Variants in SLC26A5 observed in about 807,000 individuals in gnomAD.
SLC26A5 encodes the protein prestin.
A neutral mutation model predicts 81.0 loss-of-function variants in SLC26A5; 51 were observed. The ratio of observed to expected loss-of-function variants is 0.63; its 90% CI spans 0.50 to 0.80. The LOEUF (loss-of-function observed/expected upper bound fraction) is 0.80. Among genes scored for constraint, SLC26A5 ranks in the 30% least tolerant of loss-of-function variants. SLC26A5 has a pLI of 0.00. For missense variants in SLC26A5, 771 were observed against 905.8 expected, an observed-to-expected ratio of 0.85 and a Z score of 1.91; for synonymous variants, 325 against 332.8, an observed-to-expected ratio of 0.98 and a Z score of 0.25.
chr7:103,366,524 A>G (rs1308671459), intron 19 of SLC26A5, among the ~76,000 whole-genome samples: 5 of 152,228 alleles, frequency 3.3e-5, no homozygotes, highest in South Asian at 2.1e-4. Context: ...AAGTGCTCCA[A>G]TGAGTATTGC....
At chr7:103,379,418 A>T in intron 15 of SLC26A5, 83 bp from the exon 16 acceptor site, 1 of 909,070 alleles carries the variant, frequency 1.1e-6, no homozygotes, top group South Asian at 1.4e-5. Flanking sequence ...CCAAATAGAA[A>T]ATGAATGCAG....
intron 19 of SLC26A5, chr7:103,355,643 A>G (rs769299088): frequency 1.5e-6 from 2 of 1,358,146 alleles, no homozygotes; most frequent in Non-Finnish European, 2.1e-6. Flanking sequence ...AAAGCTTATT[A>G]TAGGGTGATG....
intron 15 of SLC26A5, 99 bp downstream of exon 15, chr7:103,380,381 C>G (rs938245632): frequency 1.6e-5 from 15 of 943,374 alleles, no homozygotes; most frequent in Non-Finnish European, 2.6e-5. Flanking sequence ...ACCACTATAC[C>G]TCCCATCTTA....
At chr7:103,380,978 T>C (rs1449897309) in intron 14 of SLC26A5, among the ~76,000 whole-genome samples, 1 of 150,888 alleles carries the variant, frequency 6.6e-6, no homozygotes, top group Admixed American at 6.6e-5. Context: ...ATACCACATG[T>C]ATAATGCACA....
At chr7:103,409,656 T>C (rs555694786) in intron 7 of SLC26A5, among the ~76,000 whole-genome samples, 15 of 152,322 alleles carry the variant, frequency 9.8e-5, no homozygotes, top group African/African-American at 3.4e-4. Context: ...AAAAGATTCA[T>C]GTTAGTTAAA....
At chr7:103,445,573 G>GA (rs1051692908) in intron 1 of SLC26A5, 2 of 152,228 alleles carry the variant, frequency 1.3e-5, no homozygotes, top group African/African-American at 4.8e-5. Flanking sequence ...AGCCTTGCCC[G>GA]GCGCTGAGCG....
intron 14 of SLC26A5, among the ~76,000 whole-genome samples, chr7:103,384,630 C>G (rs1030007138): frequency 6.6e-6 from 1 of 151,892 alleles, no homozygotes; most frequent in Admixed American, 6.6e-5. Flanking sequence ...AAAAAAAGTG[C>G]TGATTTGTCA....
rs1294017949 is a variant in SLC26A5, at chr7:103,367,522, G to A, written c.2041+9286C>T. On this transcript the variant is annotated intron_variant, in intron 19 of 19. Coordinates refer to the SLC26A5 transcript ENST00000339444. This position sits in a 1 kb window ranked among gnomAD's most constrained non-coding sequence, Gnocchi z 6.1. ...ATCCTAGAGGCAATATTAAAGTGCT[G>A]ATGGCCACTAACAGACCTGATACTT... 1.2e-6 allele frequency: 2 copies of A among 1,614,034 alleles called. No individual in the cohort carries two copies. The highest frequency in any genetic ancestry group is 2.7e-5 in the African/African-American group (2 of 74,912).
chr7:103,371,920 T>TC (rs1821066848), downstream of SLC26A5, among the ~76,000 whole-genome samples: 1 of 150,850 alleles, frequency 6.6e-6, no homozygotes. Context: ...TGGTCTTGAA[T>TC]TCCTGACCTT....
chr7:103,396,698 C>T (rs917495458), intron 9 of SLC26A5, among the ~76,000 whole-genome samples: 7 of 152,090 alleles, frequency 4.6e-5, no homozygotes, highest in African/African-American at 1.7e-4. Context: ...GAAGCTCTTG[C>T]TTAAGGGGTG....
intron 2 of SLC26A5, among the ~76,000 whole-genome samples, chr7:103,430,076 CTTTT>C (rs34122107): frequency 0.073 from 9,974 of 137,144 alleles, 451 homozygotes; most frequent in Non-Finnish European, 0.097. Context: ...GGAAATGGCA[CTTTT>C]TTTTTTTTTT....
At chr7:103,440,210 A>C (rs989577574) in intron 2 of SLC26A5, among the ~76,000 whole-genome samples, 3 of 152,216 alleles carry the variant, frequency 2.0e-5, no homozygotes, top group African/African-American at 7.2e-5. Flanking sequence ...GAAGAAAGGA[A>C]GGAAATAATA....
At chr7:103,409,833 G>C (rs1026626136) in intron 7 of SLC26A5, among the ~76,000 whole-genome samples, 2 of 151,822 alleles carry the variant, frequency 1.3e-5, no homozygotes, top group Admixed American at 6.6e-5. Context: ...TCAGCCTCCT[G>C]AGTAGCTGGG....
At chr7:103,432,215 C>T (rs773723826) in intron 2 of SLC26A5, among the ~76,000 whole-genome samples, 28 of 152,212 alleles carry the variant, frequency 1.8e-4, no homozygotes, top group Admixed American at 1.0e-3. Flanking sequence ...TACACTCAGC[C>T]GAAATATTAA....
At chr7:103,357,326 C>CAAA (rs762310758) in intron 19 of SLC26A5, among the ~76,000 whole-genome samples, 1 of 77,828 alleles carries the variant, frequency 1.3e-5, no homozygotes, top group African/African-American at 4.7e-5. Context: ...TACTCTGTCT[C>CAAA]AAAAAAAAAA....
intron 14 of SLC26A5, chr7:103,388,412 G>A (rs555974970): frequency 2.5e-5 from 4 of 162,406 alleles, no homozygotes; most frequent in Non-Finnish European, 5.4e-5. Context: ...TGTTGGCCAG[G>A]CTGGTTTCAA....
At chr7:103,377,133 A>G (rs1821410675) in intron 18 of SLC26A5, among the ~76,000 whole-genome samples, 1 of 152,250 alleles carries the variant, frequency 6.6e-6, no homozygotes, top group African/African-American at 2.4e-5. Context: ...AAAGGATATT[A>G]TAATTTCAAA....
chr7:103,414,523 T>A (rs1406997272), intron 4 of SLC26A5, among the ~76,000 whole-genome samples: 2 of 152,158 alleles, frequency 1.3e-5, no homozygotes, highest in Admixed American at 6.5e-5. Context: ...CATACAGTAT[T>A]AAGCTACACC....
At chr7:103,403,695 CTTT>C (rs561652280) in intron 8 of SLC26A5, among the ~76,000 whole-genome samples, 4 of 128,550 alleles carry the variant, frequency 3.1e-5, no homozygotes, top group Non-Finnish European at 5.0e-5. Flanking sequence ...CAATCCCCTG[CTTT>C]TTTTTTTTTT....
Sources: gnomAD v4.1 joint callset for allele counts (sites outside exome capture counted in the v4.1 genomes callset) on GRCh38, gnomAD v4.1.1 for gene constraint, Gnocchi (gnomAD v3.1) non-coding constraint, MANE v1.5 for transcripts, NCBI Gene and HGNC (gene_info 2026-07-23, HGNC 2026-07-21) for gene names.